The following GRIN2B variants were observed in gnomAD, a reference collection of about 807,000 sequenced individuals.
GRIN2B encodes the protein glutamate ionotropic receptor NMDA type subunit 2B.
GRIN2B carries 5 observed loss-of-function variants against 114.5 expected under a neutral mutation model. The observed-to-expected ratio is 0.04, with a 90% CI of 0.02 to 0.09. The LOEUF (loss-of-function observed/expected upper bound fraction) is 0.09. Among genes scored for constraint, GRIN2B ranks in the 10% least tolerant of loss-of-function variants. The probability of loss-of-function intolerance (pLI) is 1.00; values close to 1 mark genes in which losing one functional copy is unlikely to be tolerated. For synonymous variants in GRIN2B, 787 were observed against 745.1 expected (o/e 1.06, Z -0.92); for missense variants, 1,108 against 1,943.5 (o/e 0.57, Z 8.08).
intron 3 of GRIN2B, among the ~76,000 whole-genome samples, chr12:13,821,118 C>A (rs558543893): frequency 3.9e-5 from 6 of 152,040 alleles, no homozygotes; most frequent in Non-Finnish European, 8.8e-5. Flanking sequence ...TCATGCTGTT[C>A]CATTTTTCTT....
At chr12:13,958,065 G>A (rs1867622929) in intron 2 of GRIN2B, among the ~76,000 whole-genome samples, 1 of 152,172 alleles carries the variant, frequency 6.6e-6, no homozygotes, top group Non-Finnish European at 1.5e-5. Flanking sequence ...ACGGTAGAAA[G>A]TTTTATTGGA....
chr12:13,772,386 C>T (rs776480362), intron 3 of GRIN2B, among the ~76,000 whole-genome samples: 1 of 152,184 alleles, frequency 6.6e-6, no homozygotes, highest in Non-Finnish European at 1.5e-5. Flanking sequence ...AGCTTTTTGT[C>T]TCATCTGCAG....
At chr12:13,882,036 A>G (rs1328999953) in intron 2 of GRIN2B, among the ~76,000 whole-genome samples, 1 of 152,038 alleles carries the variant, frequency 6.6e-6, no homozygotes, top group African/African-American at 2.4e-5. Flanking sequence ...TCCTACACCA[A>G]CTCTCTAAAC....
At chr12:13,911,358 G>C (rs1274920356) in intron 2 of GRIN2B, among the ~76,000 whole-genome samples, 1 of 152,116 alleles carries the variant, frequency 6.6e-6, no homozygotes, top group African/African-American at 2.4e-5. Flanking sequence ...AGAAGTCAGG[G>C]GCAAGGATGT....
intron 2 of GRIN2B, among the ~76,000 whole-genome samples, chr12:13,890,880 G>A (rs141273481): frequency 1.2e-3 from 178 of 152,234 alleles, no homozygotes; most frequent in African/African-American, 3.9e-3. Flanking sequence ...AGTGCCCTGG[G>A]TATCACAACT....
intron 4 of GRIN2B, among the ~76,000 whole-genome samples, chr12:13,736,711 A>G (rs898929002): frequency 2.6e-5 from 4 of 152,184 alleles, no homozygotes; most frequent in Non-Finnish European, 5.9e-5. Flanking sequence ...AAACCTTGAG[A>G]AGCCAGGTCA....
intron 3 of GRIN2B, among the ~76,000 whole-genome samples, chr12:13,825,493 A>ATATATATATTTTTTTT (rs1555144006): frequency 3.6e-5 from 1 of 28,132 alleles, no homozygotes; most frequent in African/African-American, 1.1e-4. Flanking sequence ...ATATATATAT[A>ATATATATATTTTTTTT]TTTTGTGTGT....
At chr12:13,737,554 G>A (rs867891174) in intron 4 of GRIN2B, among the ~76,000 whole-genome samples, 11 of 152,116 alleles carry the variant, frequency 7.2e-5, no homozygotes, top group Non-Finnish European at 8.8e-5. Context: ...GAAGTTTGGC[G>A]AACAGGCACT....
chr12:13,632,315 A>C (rs1253012548), intron 5 of GRIN2B, among the ~76,000 whole-genome samples: 2 of 152,252 alleles, frequency 1.3e-5, no homozygotes, highest in East Asian at 3.8e-4. Flanking sequence ...ATGTTATCAC[A>C]TGAGTCACTT....
At chr12:13,670,174 T>C (rs1395186628) in intron 5 of GRIN2B, 2 of 152,094 alleles carry the variant, frequency 1.3e-5, no homozygotes, top group South Asian at 2.1e-4. Context: ...CTGGTGGATG[T>C]GGCTGTGACA....
chr12:13,909,907 A>G (rs987108803), intron 2 of GRIN2B, among the ~76,000 whole-genome samples: 7 of 152,180 alleles, frequency 4.6e-5, no homozygotes, highest in African/African-American at 1.7e-4. Context: ...ACAGGTCATC[A>G]GAGATTATGG....
intron 3 of GRIN2B, among the ~76,000 whole-genome samples, chr12:13,860,266 T>C (rs961357244): frequency 2.0e-5 from 3 of 152,170 alleles, no homozygotes; most frequent in African/African-American, 7.2e-5. Context: ...AAAATGTGGC[T>C]CTCAGTACAG....
At chr12:13,834,220 G>C (rs1379347529) in intron 3 of GRIN2B, among the ~76,000 whole-genome samples, 1 of 89,666 alleles carries the variant, frequency 1.1e-5, no homozygotes, top group Admixed American at 1.1e-4. Flanking sequence ...TTTTTTTTTA[G>C]TAGAGATGGG....
intron 2 of GRIN2B, among the ~76,000 whole-genome samples, chr12:13,943,077 C>A (rs1369080441): frequency 3.9e-5 from 6 of 152,070 alleles, no homozygotes; most frequent in Non-Finnish European, 5.9e-5. Flanking sequence ...GACCTGACTT[C>A]TAGCCTTAGA....
chr12:13,916,737 T>TGTGTGTGTGTG (rs1555156758), intron 2 of GRIN2B, among the ~76,000 whole-genome samples: 2 of 139,900 alleles, frequency 1.4e-5, no homozygotes, highest in Non-Finnish European at 3.1e-5. Context: ...ACACACACAT[T>TGTGTGTGTGTG]TGTGTGTGTG....
At chr12:13,587,837 T>C (rs1948950823) in intron 10 of GRIN2B, among the ~76,000 whole-genome samples, 1 of 152,260 alleles carries the variant, frequency 6.6e-6, no homozygotes, top group Non-Finnish European at 1.5e-5. Context: ...TTGTAACAGA[T>C]ATTTGGGGAA....
chr12:13,912,687 T>G (rs1866644799), intron 2 of GRIN2B, among the ~76,000 whole-genome samples: 1 of 151,944 alleles, frequency 6.6e-6, no homozygotes, highest in African/African-American at 2.4e-5. Flanking sequence ...TTCAAACGAC[T>G]TTTTTTTCAG....
chr12:13,917,780 A>G (rs1415217766), intron 2 of GRIN2B, among the ~76,000 whole-genome samples: 2 of 152,252 alleles, frequency 1.3e-5, no homozygotes, highest in East Asian at 3.8e-4. Context: ...CATTTGTTCC[A>G]TTATTGTGGG....
rs1472155608 is a variant in GRIN2B, at chr12:13,563,713, G to C, written c.3525C>G (p.Asn1175Lys). The change falls in exon 14 of 14, where the codon AAC becomes AAG. Residue 1175 changes from asparagine (N) to lysine (K), a missense_variant. Asn to Lys is a moderately conservative substitution (Grantham distance 94). This residue lies in a region of GRIN2B where 478 missense variants were observed against 506.0 expected (regional missense o/e 0.94). Coordinates refer to ENST00000609686, the MANE Select transcript of GRIN2B (RefSeq NM_000834.5). ...CCGTCCCGTGCTTGATGTGAGACCT[G>C]TTGGTACAGGGCCCTCCTCCGCTGA... Reference protein sequence around the residue: ...DSVSGGGPCTNRSHIKHGTGD... With the variant: ...DSVSGGGPCTKRSHIKHGTGD... 6.2e-7 allele frequency: 1 copy of C among 1,613,518 alleles called. No homozygotes were observed. The highest frequency in any genetic ancestry group is 8.5e-7 in the Non-Finnish European group (1 of 1,179,986).
Sources: allele counts gnomAD v4.1 joint callset (sites outside exome capture counted in the v4.1 genomes callset), GRCh38; gene constraint gnomAD v4.1.1; regional missense constraint gnomAD v4.1.1; transcripts MANE v1.5; gene names NCBI Gene and HGNC (gene_info 2026-07-23, HGNC 2026-07-21).